DOT1L: variants seen among roughly 807,000 people sequenced by gnomAD.
DOT1L encodes DOT1 like histone lysine methyltransferase.
In DOT1L, 33 loss-of-function variants were observed where a neutral mutation model predicts 153.3. The ratio of observed to expected loss-of-function variants is 0.22; its 90% CI spans 0.16 to 0.29. The LOEUF (loss-of-function observed/expected upper bound fraction) is 0.29. DOT1L is among the 10% of genes least tolerant of loss of function. DOT1L has a pLI of 1.00. For synonymous variants in DOT1L, 1,135 were observed against 965.1 expected (o/e 1.18, Z -3.26); for missense variants, 1,847 against 2,119.9 (o/e 0.87, Z 2.53).
At chr19:2,167,414 C>A (rs2019964516) in intron 1 of DOT1L, among the ~76,000 whole-genome samples, 1 of 152,246 alleles carries the variant, frequency 6.6e-6, no homozygotes, top group African/African-American at 2.4e-5. Context: ...ATGCCTGCTG[C>A]CCTGCCTGGC....
In DOT1L at chr19:2,193,918, G is replaced by C; in HGVS notation, c.588+135G>C. 2.2e-6 allele frequency: 2 copies of C among 900,764 alleles called. No individual in the cohort carries two copies. Among genetic ancestry groups the C allele is most frequent in the Non-Finnish European group, 3.4e-6 (2 of 596,798 alleles). The allele number at this position is 900,764 out of a possible 1,614,324, so 55.8% of individuals were successfully genotyped here. A position where few individuals can be genotyped will look rare whatever the true frequency, so the allele number is the denominator to read the frequency against. On this transcript the variant is annotated intron_variant, in intron 6 of 27. Coordinates refer to ENST00000398665, the MANE Select transcript of DOT1L (RefSeq NM_032482.3). The surrounding 1 kb of genome is among the most constrained non-coding windows in gnomAD (Gnocchi z 5.9). ...TTCTTTCCAGGCCCAAGACGTCTTGGTTGCCTGCAGCGTGTGCCTGTGAAT... is the reference window on the plus strand; with the variant it reads ...TTCTTTCCAGGCCCAAGACGTCTTGCTTGCCTGCAGCGTGTGCCTGTGAAT...
Position 2,172,258 on chromosome 19 carries a change from C to T in DOT1L, c.81+7993C>T, listed in dbSNP as rs552984901. On this transcript the variant is annotated intron_variant, in intron 1 of 27. Transcript: ENST00000398665. Reference sequence around the variant, plus strand: ...AGGCTGGAGTGCAGTGGCGCGATCTCTGCTCACTGCAAGCTCCGCCTTCAG... The same window carrying T: ...AGGCTGGAGTGCAGTGGCGCGATCTTTGCTCACTGCAAGCTCCGCCTTCAG... Among the ~76,000 whole-genome samples the T allele has an allele frequency of 5.9e-5, 9 of 151,458 alleles. No homozygotes were observed. In the East Asian group the frequency reaches 9.7e-4, roughly 16 times the overall value.
intron 2 of DOT1L, among the ~76,000 whole-genome samples, chr19:2,185,273 C>G (rs1019629643): frequency 6.6e-6 from 1 of 152,182 alleles, no homozygotes; most frequent in African/African-American, 2.4e-5. Context: ...GTCCCTAGAC[C>G]AGCCCTGTAG....
chr19:2,184,897 G>A (rs1232502566), intron 2 of DOT1L, among the ~76,000 whole-genome samples: 1 of 152,194 alleles, frequency 6.6e-6, no homozygotes, highest in Non-Finnish European at 1.5e-5. Context: ...ATAGTGGGGT[G>A]TGTTGGTCAG....
chr19:2,169,094 C>T (rs1403192368), intron 1 of DOT1L, among the ~76,000 whole-genome samples: 1 of 152,094 alleles, frequency 6.6e-6, no homozygotes, highest in Non-Finnish European at 1.5e-5. Flanking sequence ...GGTCCGGACT[C>T]TCTGACTCTC....
At chr19:2,187,711 A>G in intron 3 of DOT1L, among the ~76,000 whole-genome samples, 1 of 152,168 alleles carries the variant, frequency 6.6e-6, no homozygotes, top group Admixed American at 6.5e-5. Context: ...TCACGAGGTC[A>G]GGAGATCGAG....
chr19:2,193,455 G>T lies in DOT1L; in HGVS notation c.494-234G>T, dbSNP rs1299357460. Among the ~76,000 whole-genome samples the T allele has an allele frequency of 6.6e-6, 1 of 152,204 alleles. No homozygotes were observed. The highest frequency in any genetic ancestry group is 1.9e-4 in the East Asian group (1 of 5,186). On this transcript the variant is annotated intron_variant, in intron 5 of 27. Coordinates refer to ENST00000398665, the MANE Select transcript of DOT1L (RefSeq NM_032482.3). This position sits in a 1 kb window ranked among gnomAD's most constrained non-coding sequence, Gnocchi z 5.9. ...ATTCTGGTTTCGGGGGCCACCAAGT[G>T]ATGTCCATGGATGACGCGTTGTGAT...
intron 2 of DOT1L, among the ~76,000 whole-genome samples, chr19:2,182,799 TGA>T (rs1276590390): frequency 6.6e-6 from 1 of 152,124 alleles, no homozygotes; most frequent in Non-Finnish European, 1.5e-5. Context: ...GCAGTGGCGG[TGA>T]GAGTGCCTCT....
chr19:2,213,961 C>T lies in DOT1L; in HGVS notation c.1772C>T (p.Ala591Val), dbSNP rs376751030. ...GAGCAGCTGGAGCAGGACAACCGCG[C>T]GCTCCGCGGCCAGAGCTTGCAGCTG... ...QSEQLEQDNR[A>V]LRGQSLQLLK... is the part of the protein sequence containing the mutation. The change falls in exon 18 of 28, where the codon GCG (alanine) becomes GTG (valine). Residue 591 changes from alanine (A) to valine (V), a missense_variant. This residue lies in a region of DOT1L where 156 missense variants were observed against 235.7 expected (regional missense o/e 0.66). Transcript: ENST00000398665. The T allele has an allele frequency of 1.3e-4, 202 of 1,612,686 alleles. No homozygotes were observed. The highest frequency in any genetic ancestry group is 1.6e-4 in the Middle Eastern group (1 of 6,082).
At chr19:2,221,889 A>T in intron 23 of DOT1L, 87 bp from the exon 24 acceptor site, 1 of 1,312,096 alleles carries the variant, frequency 7.6e-7, no homozygotes, top group Non-Finnish European at 1.0e-6. Flanking sequence ...TGGAGCCCAC[A>T]GAGCTCCTAG....
chr19:2,213,687 G>C (rs753973783), intron 17 of DOT1L, 47 bp downstream of exon 17: 3 of 1,609,570 alleles, frequency 1.9e-6, no homozygotes, highest in Admixed American at 3.4e-5. Context: ...TGGGGCGCAG[G>C]CTGGGGTGGT....
chr19:2,176,779 C>G (rs79369726), intron 1 of DOT1L, among the ~76,000 whole-genome samples: 6,314 of 152,304 alleles, frequency 0.041, 428 homozygotes, highest in African/African-American at 0.14. Context: ...GACAAGAAAA[C>G]TCTGAAACCA....
intron 12 of DOT1L, 114 bp from the exon 13 acceptor site, chr19:2,210,286 G>C (rs1026858578): frequency 1.1e-6 from 1 of 943,116 alleles, no homozygotes; most frequent in African/African-American, 1.7e-5. Context: ...AGGACTTGCA[G>C]TGGACAGAGT....
intron 23 of DOT1L, 36 bp from the exon 24 acceptor site, chr19:2,221,940 C>G: frequency 2.6e-6 from 4 of 1,551,154 alleles, no homozygotes; most frequent in South Asian, 2.4e-5. Flanking sequence ...TTTGGCCATC[C>G]TGTGTCCCCT....
chr19:2,200,188 C>T (rs2023192112), intron 8 of DOT1L, among the ~76,000 whole-genome samples: 1 of 152,168 alleles, frequency 6.6e-6, no homozygotes, highest in Non-Finnish European at 1.5e-5. Flanking sequence ...GTTCCTGCTG[C>T]CTGTCCCCTT....
rs754574538 is a variant in DOT1L at position 2,216,547 on chromosome 19, G to A, written c.2190G>A (p.Ser730=). 7.5e-6 allele frequency: 12 copies of A among 1,610,600 alleles called. No homozygotes were observed. Among genetic ancestry groups the A allele is most frequent in the East Asian group, 6.7e-5 (3 of 44,880 alleles). The change falls in exon 20 of 28, where the codon TCG becomes TCA. Residue 730 remains serine (S), a synonymous_variant. Coordinates refer to ENST00000398665, the MANE Select transcript of DOT1L (RefSeq NM_032482.3). ...YELCGVLSRP[S]SKQNTPQYLA... is the part of the protein sequence containing the mutation. ...TCTGCGGTGTGCTGAGCCGGCCTTC[G>A]TCGAAGCAGAACACGCCCCAGTACC...
rs200310379 is a variant in DOT1L at position 2,206,811 on chromosome 19, A to G, written c.856+14A>G. ...GAAACTTGAGTGGTAAGAAACTCTC[A>G]TGTTGTTAATGATGAACACGGGTAA... On this transcript the variant is annotated intron_variant, in intron 10 of 27. Coordinates refer to ENST00000398665, the MANE Select transcript of DOT1L (RefSeq NM_032482.3). 430 of 1,609,850 alleles carry G rather than the reference A, an allele frequency of 2.7e-4. 2 individuals are homozygous for G. In the South Asian group the frequency reaches 4.5e-3, roughly 17 times the overall value.
At chr19:2,209,028 G>T in intron 12 of DOT1L, 52 bp downstream of exon 12, 1 of 1,591,420 alleles carries the variant, frequency 6.3e-7, no homozygotes, top group South Asian at 1.1e-5. Flanking sequence ...GCACTGATGT[G>T]GGGAAATGCA....
intron 5 of DOT1L, among the ~76,000 whole-genome samples, chr19:2,192,869 A>G (rs1049091228): frequency 6.6e-6 from 1 of 152,086 alleles, no homozygotes; most frequent in Non-Finnish European, 1.5e-5. Flanking sequence ...AAAAATTAAA[A>G]AGGCTTATAT....
Sources: allele counts gnomAD v4.1 joint callset (sites outside exome capture counted in the v4.1 genomes callset), GRCh38; gene constraint gnomAD v4.1.1; regional missense constraint gnomAD v4.1.1; non-coding constraint Gnocchi (gnomAD v3.1); transcripts MANE v1.5; gene names NCBI Gene and HGNC (gene_info 2026-07-23, HGNC 2026-07-21).